The following FBXO4 variants were observed in gnomAD, a reference collection of about 807,000 sequenced individuals.
FBXO4 encodes the protein F-box protein 4.
In FBXO4, 36 loss-of-function variants were observed where a neutral mutation model predicts 43.7. The observed-to-expected ratio is 0.82, with a 90% CI of 0.63 to 1.09. The LOEUF (loss-of-function observed/expected upper bound fraction) is 1.09, where lower values mean the gene tolerates loss of function less well. Ranked by LOEUF, FBXO4 falls within the 50% of genes least tolerant of loss-of-function variation. The pLI is 0.00. For missense variants in FBXO4, 435 were observed against 474.1 expected (o/e 0.92, Z 0.77); for synonymous variants, 180 against 165.6 (o/e 1.09, Z -0.67).
chr5:41,949,874 C>T, the FBXO4 span, among the ~76,000 whole-genome samples: 5 of 152,150 alleles, frequency 3.3e-5, no homozygotes, highest in Non-Finnish European at 5.9e-5. Flanking sequence ...GATATATAGA[C>T]CAATGGAACA....
chr5:41,982,250 T>C, the FBXO4 span, among the ~76,000 whole-genome samples: 1 of 152,192 alleles, frequency 6.6e-6, no homozygotes, highest in South Asian at 2.1e-4. Flanking sequence ...TTTATAATCC[T>C]TTGGGTATAT....
At chr5:41,985,889 A>G in the FBXO4 span, among the ~76,000 whole-genome samples, 1 of 152,182 alleles carries the variant, frequency 6.6e-6, no homozygotes, top group Non-Finnish European at 1.5e-5. Flanking sequence ...GACATAAGCC[A>G]TTAGCTGTTC....
chr5:41,986,852 T>C, the FBXO4 span, among the ~76,000 whole-genome samples: 10 of 152,144 alleles, frequency 6.6e-5, no homozygotes, highest in Non-Finnish European at 1.5e-5. Context: ...AGGTTTTAGG[T>C]GGATAAAACA....
the FBXO4 span, among the ~76,000 whole-genome samples, chr5:41,992,237 CTA>C: frequency 1.3e-5 from 2 of 152,188 alleles, no homozygotes; most frequent in South Asian, 2.1e-4. Context: ...TTTATTAAAA[CTA>C]ATAATAGTGT....
At chr5:41,946,080 C>T (rs539860754), downstream of FBXO4, among the ~76,000 whole-genome samples, 9 of 152,304 alleles carry the variant, frequency 5.9e-5, no homozygotes, top group South Asian at 2.1e-4. Context: ...AACCTACCCA[C>T]GCCCTCACTA....
chr5:42,011,883 TTTG>T, the FBXO4 span, among the ~76,000 whole-genome samples: 2 of 152,178 alleles, frequency 1.3e-5, no homozygotes, highest in South Asian at 2.1e-4. Context: ...TTGAATGTGT[TTTG>T]TTGTTGTTGT....
At chr5:42,027,808 T>C in the FBXO4 span, among the ~76,000 whole-genome samples, 1 of 151,914 alleles carries the variant, frequency 6.6e-6, no homozygotes, top group Admixed American at 6.6e-5. Flanking sequence ...TTCAGGAGCC[T>C]ATTCTTTAAT....
At chr5:41,957,230 A>G in the FBXO4 span, among the ~76,000 whole-genome samples, 4 of 151,876 alleles carry the variant, frequency 2.6e-5, no homozygotes, top group Non-Finnish European at 5.9e-5. Context: ...CTGGGACTCC[A>G]ACTACACATA....
At chr5:41,957,874 T>G in the FBXO4 span, among the ~76,000 whole-genome samples, 6 of 152,152 alleles carry the variant, frequency 3.9e-5, no homozygotes, top group African/African-American at 1.4e-4. Flanking sequence ...AAAAGGCACA[T>G]TATTTCTTTT....
chr5:41,943,522 G>C (rs1366088136), downstream of FBXO4, among the ~76,000 whole-genome samples: 2 of 152,110 alleles, frequency 1.3e-5, no homozygotes, highest in African/African-American at 4.8e-5. Flanking sequence ...TCTGTGGGAA[G>C]GCCTCAACTT....
At chr5:41,951,551 G>A in the FBXO4 span, 1 of 257,378 alleles carries the variant, frequency 3.9e-6, no homozygotes, top group Non-Finnish European at 7.4e-6. Context: ...TTTTTCAGCA[G>A]CAACCTGCTC....
chr5:42,031,741 T>C, the FBXO4 span, among the ~76,000 whole-genome samples: 3 of 152,066 alleles, frequency 2.0e-5, no homozygotes, highest in African/African-American at 7.2e-5. Flanking sequence ...TTGATGCTAG[T>C]AGATGTTCTT....
chr5:41,934,855 A>G (rs9292832), intron 5 of FBXO4: 57,424 of 987,770 alleles, frequency 0.058, 2,066 homozygotes, highest in African/African-American at 0.15. Flanking sequence ...TTTGTGTGAA[A>G]TCAAAATATC....
downstream of FBXO4, among the ~76,000 whole-genome samples, chr5:41,943,209 T>C (rs1248575859): frequency 6.6e-6 from 1 of 152,160 alleles, no homozygotes; most frequent in Non-Finnish European, 1.5e-5. Flanking sequence ...CTACAGGCTA[T>C]TTTGATGTTT....
At chr5:42,007,330 G>A in the FBXO4 span, among the ~76,000 whole-genome samples, 4 of 151,996 alleles carry the variant, frequency 2.6e-5, no homozygotes, top group South Asian at 2.1e-4. Flanking sequence ...CCTATGAATT[G>A]ACTTTAGATT....
chr5:41,950,525 G>T, the FBXO4 span, among the ~76,000 whole-genome samples: 1 of 152,104 alleles, frequency 6.6e-6, no homozygotes, highest in African/African-American at 2.4e-5. Context: ...ACCATCTCAC[G>T]CCAGTTAGAA....
the FBXO4 span, among the ~76,000 whole-genome samples, chr5:41,998,657 C>T: frequency 6.6e-6 from 1 of 152,174 alleles, no homozygotes; most frequent in Non-Finnish European, 1.5e-5. Context: ...CCACAATTAT[C>T]CCATACCCTT....
At chr5:41,987,964 C>T in the FBXO4 span, among the ~76,000 whole-genome samples, 16 of 152,264 alleles carry the variant, frequency 1.1e-4, no homozygotes, top group Non-Finnish European at 1.8e-4. Context: ...AATGGCCCTG[C>T]CATATCTGAT....
chr5:42,004,431 A>T, the FBXO4 span, among the ~76,000 whole-genome samples: 2 of 152,328 alleles, frequency 1.3e-5, no homozygotes, highest in Admixed American at 1.3e-4. Context: ...AGAGGTAAAA[A>T]AAGTCTATTT....
Sources: gnomAD v4.1 joint callset for allele counts (sites outside exome capture counted in the v4.1 genomes callset) on GRCh38, gnomAD v4.1.1 for gene constraint, MANE v1.5 for transcripts, NCBI Gene and HGNC (gene_info 2026-07-23, HGNC 2026-07-21) for gene names.